SYNE2: variants seen among roughly 807,000 people sequenced by gnomAD.
SYNE2 encodes the protein spectrin repeat containing nuclear envelope protein 2.
A neutral mutation model predicts 856.3 loss-of-function variants in SYNE2; 431 were observed. The observed-to-expected ratio is 0.50, with a 90% CI of 0.47 to 0.55. The LOEUF is 0.55. SYNE2 is among the 20% of genes least tolerant of loss of function. The pLI is 0.00. For synonymous variants in SYNE2, 2,923 were observed against 2,872.3 expected, an observed-to-expected ratio of 1.02 and a Z score of -0.56; for missense variants, 8,129 against 8,023.2, an observed-to-expected ratio of 1.01 and a Z score of -0.50.
At chr14:63,964,484 T>C (rs1471021820) in intron 10 of SYNE2, among the ~76,000 whole-genome samples, 1 of 152,226 alleles carries the variant, frequency 6.6e-6, no homozygotes, top group Non-Finnish European at 1.5e-5. Context: ...CAATCCCTGG[T>C]TTAAAGCAGA....
At chr14:64,175,186 A>T in intron 95 of SYNE2, 48 bp downstream of exon 95, 1 of 1,600,318 alleles carries the variant, frequency 6.2e-7, no homozygotes, top group Non-Finnish European at 8.6e-7. Flanking sequence ...AATTCAGTAC[A>T]TAGATTTTCA....
At chr14:64,185,883 G>T (rs967953406) in intron 96 of SYNE2, among the ~76,000 whole-genome samples, 2 of 152,126 alleles carry the variant, frequency 1.3e-5, no homozygotes, top group Non-Finnish European at 2.9e-5. Context: ...ACTAATCTTT[G>T]CCAATTAGAA....
intron 83 of SYNE2, among the ~76,000 whole-genome samples, chr14:64,145,321 AG>A (rs1031159944): frequency 2.0e-5 from 3 of 151,886 alleles, no homozygotes; most frequent in Non-Finnish European, 2.9e-5. Context: ...GCAGATCACA[AG>A]GTCAGGTGTT....
intron 1 of SYNE2, among the ~76,000 whole-genome samples, chr14:63,853,675 A>T (rs948317915): frequency 6.6e-6 from 1 of 150,402 alleles, no homozygotes; most frequent in Non-Finnish European, 1.5e-5. Context: ...CGCCCCGGGG[A>T]CCCGGGAACC....
intron 1 of SYNE2, among the ~76,000 whole-genome samples, chr14:63,775,868 A>G (rs1223197091): frequency 6.6e-6 from 1 of 152,186 alleles, no homozygotes; most frequent in East Asian, 1.9e-4. Flanking sequence ...GGCTAAAAAA[A>G]CTAGGCTTCT....
At chr14:64,063,052 A>G (rs1056081117) in intron 50 of SYNE2, among the ~76,000 whole-genome samples, 157 bp downstream of exon 50, 1 of 152,168 alleles carries the variant, frequency 6.6e-6, no homozygotes, top group South Asian at 2.1e-4. Context: ...GCCAGAGAGT[A>G]ATGTTTTATA....
chr14:63,898,255 C>T (rs1479558802), intron 1 of SYNE2, among the ~76,000 whole-genome samples: 4 of 152,206 alleles, frequency 2.6e-5, no homozygotes, highest in African/African-American at 9.6e-5. Flanking sequence ...CCTCCCTTTT[C>T]CTGCCTCAAT....
chr14:64,102,274 G>A lies in SYNE2; in HGVS notation c.12492+232G>A, dbSNP rs934702849. Among the ~76,000 whole-genome samples the A allele has an allele frequency of 7.9e-5, 12 of 152,018 alleles. No homozygotes were observed. The East Asian group carries it at 1.9e-3, about 24-fold the overall frequency. On this transcript the variant is annotated intron_variant, in intron 64 of 115. Transcript: ENST00000555002. ...TGGGATTACAGGCACACGTCACCAC[G>A]CCCAGCTAATTTTTGTATTTGTAGT... is the stretch of plus-strand genomic sequence containing the variant.
At chr14:63,906,648 CTT>C (rs1395726377) in intron 1 of SYNE2, among the ~76,000 whole-genome samples, 1 of 152,072 alleles carries the variant, frequency 6.6e-6, no homozygotes, top group African/African-American at 2.4e-5. Flanking sequence ...GCTGTAATAT[CTT>C]TGTCATTTCT....
chr14:63,984,136 G>C (rs142205346), intron 18 of SYNE2, among the ~76,000 whole-genome samples: 137 of 152,232 alleles, frequency 9.0e-4, no homozygotes, highest in Non-Finnish European at 5.3e-4. Flanking sequence ...CTAGCTACTT[G>C]GCAGGCTGAG....
At chr14:63,764,042 G>A (rs1886586251) in intron 1 of SYNE2, among the ~76,000 whole-genome samples, 1 of 152,068 alleles carries the variant, frequency 6.6e-6, no homozygotes, top group Non-Finnish European at 1.5e-5. Context: ...TTAAAAGGAA[G>A]GCAATATAGA....
intron 1 of SYNE2, among the ~76,000 whole-genome samples, chr14:63,873,242 AT>A (rs2140427762): frequency 6.6e-6 from 1 of 152,290 alleles, no homozygotes; most frequent in East Asian, 1.9e-4. Flanking sequence ...GAGTGTTAAT[AT>A]GCCAGTGACT....
At chr14:63,806,025 G>A (rs577761866) in intron 1 of SYNE2, among the ~76,000 whole-genome samples, 61 of 152,266 alleles carry the variant, frequency 4.0e-4, no homozygotes, top group African/African-American at 1.4e-3. Context: ...ATGCTGAATA[G>A]GATGATGAGA....
Position 64,078,448 on chromosome 14 carries a change from T to G in SYNE2, c.11023-18T>G. On this transcript the variant is annotated intron_variant, in intron 54 of 115. Coordinates refer to ENST00000555002, the MANE Select transcript of SYNE2 (RefSeq NM_182914.3). ...AGACAACCTCTCTAAGCCAAATGCG[T>G]CTTTGTCTCTTTCACAGATTAGCAA... The G allele has an allele frequency of 6.2e-7, 1 of 1,613,408 alleles. No homozygotes were observed. The highest frequency in any genetic ancestry group is 1.1e-5 in the South Asian group (1 of 91,002).
intron 96 of SYNE2, among the ~76,000 whole-genome samples, chr14:64,182,420 T>C (rs1392670999): frequency 6.6e-6 from 1 of 152,182 alleles, no homozygotes; most frequent in Non-Finnish European, 1.5e-5. Context: ...TTGATCATTC[T>C]TGGGTGTTTC....
intron 80 of SYNE2, among the ~76,000 whole-genome samples, chr14:64,140,506 G>A (rs112952425): frequency 2.0e-5 from 3 of 152,268 alleles, no homozygotes; most frequent in South Asian, 2.1e-4. Context: ...CACTTGAACC[G>A]CGGTGGGTGG....
chr14:64,084,765 T>A, intron 57 of SYNE2: 1 of 515,860 alleles, frequency 1.9e-6, no homozygotes, highest in Non-Finnish European at 3.5e-6. Context: ...ATTATCACAG[T>A]TTCTGTGGGT....
At chr14:63,893,243 C>T (rs188029088) in intron 1 of SYNE2, among the ~76,000 whole-genome samples, 2 of 152,240 alleles carry the variant, frequency 1.3e-5, no homozygotes, top group Admixed American at 6.5e-5. Context: ...GCTTCCTACA[C>T]GGAGAAGCTG....
chr14:64,190,812 G>A, intron 99 of SYNE2: 1 of 673,672 alleles, frequency 1.5e-6, no homozygotes, highest in Non-Finnish European at 2.7e-6. Flanking sequence ...AGCTATATTG[G>A]CCAGTGCAAT....
Sources: allele counts gnomAD v4.1 joint callset (sites outside exome capture counted in the v4.1 genomes callset), GRCh38; gene constraint gnomAD v4.1.1; transcripts MANE v1.5; gene names NCBI Gene and HGNC (gene_info 2026-07-23, HGNC 2026-07-21).